Variants in MESD observed in about 807,000 individuals in gnomAD.
MESD encodes mesoderm development LRP chaperone, also known as LRP chaperone MESD.
Under a neutral mutation model 12.9 loss-of-function variants are expected in MESD, and 7 were observed. That is an observed-to-expected ratio of 0.54 (90% CI 0.31 to 1.02). MESD has a LOEUF of 1.02. Among genes scored for constraint, MESD ranks in the 50% least tolerant of loss-of-function variants. MESD has a pLI of 0.05. For missense variants in MESD, 342 were observed against 296.7 expected (o/e 1.15, Z -1.12); for synonymous variants, 126 against 115.6 (o/e 1.09, Z -0.58).
intron 4 of MESD, chr15:80,949,009 C>G: frequency 3.2e-6 from 5 of 1,558,974 alleles, no homozygotes; most frequent in Non-Finnish European, 2.6e-6. Flanking sequence ...CTGGGTCCCC[C>G]AGCCCCTGCC....
At chr15:80,962,651 G>A (rs1176989999) in intron 3 of MESD, among the ~76,000 whole-genome samples, 2 of 152,194 alleles carry the variant, frequency 1.3e-5, no homozygotes, top group Non-Finnish European at 2.9e-5. Flanking sequence ...AGACCACAGT[G>A]CAATCAAATT....
downstream of MESD, among the ~76,000 whole-genome samples, chr15:80,972,669 G>A (rs1317940581): frequency 6.6e-6 from 1 of 152,212 alleles, no homozygotes; most frequent in Non-Finnish European, 1.5e-5. Context: ...CACAGCAAGA[G>A]GACGGGAATA....
At chr15:80,970,995 A>G (rs1005997445), downstream of MESD, among the ~76,000 whole-genome samples, 3 of 152,198 alleles carry the variant, frequency 2.0e-5, no homozygotes, top group African/African-American at 7.2e-5. Context: ...ATCAAGGGTA[A>G]GAAGTTCTCA....
chr15:80,971,311 ATT>A (rs1467826447), downstream of MESD, among the ~76,000 whole-genome samples: 1 of 152,120 alleles, frequency 6.6e-6, no homozygotes, highest in Admixed American at 6.6e-5. Context: ...GTTAATTTCT[ATT>A]TTCAGTCAAG....
downstream of MESD, among the ~76,000 whole-genome samples, chr15:80,972,257 T>C (rs1447558397): frequency 6.6e-6 from 1 of 152,222 alleles, no homozygotes; most frequent in Non-Finnish European, 1.5e-5. Flanking sequence ...AAAACTTGAA[T>C]ATCAAAACTC....
rs1902503226 is a variant in MESD at position 80,979,193 on chromosome 15, C to T, written c.*26G>A. ...AAGAGCTCTCCACGTCCACCTGTCC[C>T]CCCACAGCGCGTCACTGCTGCCCCA... On this transcript the variant is annotated 3_prime_UTR_variant, in exon 3 of 3. Coordinates refer to ENST00000261758, the MANE Select transcript of MESD (RefSeq NM_015154.3). 6.2e-7 allele frequency: 1 copy of T among 1,602,366 alleles called. No homozygotes were observed. The highest frequency in any genetic ancestry group is 8.5e-7 in the Non-Finnish European group (1 of 1,173,860).
intron 3 of MESD, among the ~76,000 whole-genome samples, chr15:80,955,507 AAATGCCCAATC>A (rs2141784158): frequency 6.6e-6 from 1 of 150,650 alleles, no homozygotes; most frequent in Admixed American, 6.6e-5. Context: ...AAAAAAAAAG[AAATGCCCAATC>A]TCAGGCTCTC....
At chr15:80,971,389 C>A (rs71399434), downstream of MESD, among the ~76,000 whole-genome samples, 1 of 152,326 alleles carries the variant, frequency 6.6e-6, no homozygotes, top group East Asian at 1.9e-4. Context: ...TTGGGCTCCT[C>A]TGAGCCATCT....
At chr15:80,984,569 T>A (rs1321273368) in intron 1 of MESD, among the ~76,000 whole-genome samples, 1 of 152,200 alleles carries the variant, frequency 6.6e-6, no homozygotes, top group Non-Finnish European at 1.5e-5. Flanking sequence ...AGAAGGTAGA[T>A]AAGCGATTGC....
intron 1 of MESD, among the ~76,000 whole-genome samples, chr15:80,985,834 C>G (rs947331819): frequency 4.6e-5 from 7 of 151,618 alleles, no homozygotes; most frequent in Non-Finnish European, 8.8e-5. Context: ...TTTTGTATTT[C>G]TGGTAAAGAC....
chr15:80,956,035 CA>C (rs1433190389), intron 3 of MESD, among the ~76,000 whole-genome samples: 8 of 151,742 alleles, frequency 5.3e-5, no homozygotes. Flanking sequence ...ACAAAAAATA[CA>C]AAAATTACCC....
chr15:80,952,300 G>C (rs888987000), intron 3 of MESD: 3 of 450,730 alleles, frequency 6.7e-6, no homozygotes, highest in Non-Finnish European at 1.3e-5. Flanking sequence ...CAGGGGTCTG[G>C]AAGGGAGAGA....
Position 80,976,324 on chromosome 15 carries a change from G to C in MESD, c.*2895C>G, listed in dbSNP as rs1299427900. On this transcript the variant is annotated 3_prime_UTR_variant, in exon 3 of 3. Coordinates refer to ENST00000261758, the MANE Select transcript of MESD (RefSeq NM_015154.3). ...CTTTTGCTCATGAATCTGCAGACTG[G>C]GCAGACTGTTTCTCAGCTCAGCTTA... 6.6e-6 allele frequency: 1 copy of C among 152,350 alleles called. No individual in the cohort carries two copies. Among genetic ancestry groups the C allele is most frequent in the African/African-American group, 2.4e-5 (1 of 41,442 alleles). 9.4% of individuals were successfully genotyped at this position (152,350 alleles called of 1,614,324 possible). A position where few individuals can be genotyped will look rare whatever the true frequency, so the allele number is the denominator to read the frequency against.
intron 4 of MESD, chr15:80,949,131 G>A (rs1901703283): frequency 1.5e-6 from 1 of 665,728 alleles, no homozygotes; most frequent in East Asian, 2.8e-5. Flanking sequence ...AGCCCCTGGG[G>A]CGGTGCTGGC....
intron 3 of MESD, among the ~76,000 whole-genome samples, chr15:80,954,012 C>G (rs2141782340): frequency 6.6e-6 from 1 of 152,260 alleles, no homozygotes; most frequent in Non-Finnish European, 1.5e-5. Context: ...CAGATGAGCC[C>G]TAATCCTCAT....
At chr15:80,949,850 G>C (rs1901741136) in intron 4 of MESD, 1 of 152,328 alleles carries the variant, frequency 6.6e-6, no homozygotes, top group African/African-American at 2.4e-5. Flanking sequence ...CATTTTGCTG[G>C]GGGGAGATGA....
rs1902431878 is a variant in MESD at position 80,976,909 on chromosome 15, G to A, written c.*2310C>T. On this transcript the variant is annotated 3_prime_UTR_variant, in exon 3 of 3. Transcript: ENST00000261758. ...ACCTTCAGCTATGGCCTGCACTACTGAAGCACCTCCCAGCTCACGGCTCAC... is the reference window on the plus strand; with the variant it reads ...ACCTTCAGCTATGGCCTGCACTACTAAAGCACCTCCCAGCTCACGGCTCAC... 6.6e-6 allele frequency: 1 copy of A among 152,302 alleles called. No homozygotes were observed. The highest frequency in any genetic ancestry group is 1.5e-5 in the Non-Finnish European group (1 of 68,138). 9.4% of individuals were successfully genotyped at this position (152,302 alleles called of 1,614,324 possible). A position where few individuals can be genotyped will look rare whatever the true frequency, so the allele number is the denominator to read the frequency against.
At chr15:80,952,017 A>G (rs771197084) in exon 4 of MESD, 2 of 353,278 alleles carry the variant, frequency 5.7e-6, no homozygotes, top group Non-Finnish European at 1.1e-5. Flanking sequence ...TCAAAGAAAG[A>G]GAAGATATCA....
chr15:80,988,257 C>T (rs1175414339), intron 1 of MESD, among the ~76,000 whole-genome samples: 1 of 152,204 alleles, frequency 6.6e-6, no homozygotes, highest in African/African-American at 2.4e-5. Context: ...GGGATAAGTA[C>T]CTCCCTCATG....
Sources: allele counts gnomAD v4.1 joint callset (sites outside exome capture counted in the v4.1 genomes callset), GRCh38; gene constraint gnomAD v4.1.1; transcripts MANE v1.5; gene names NCBI Gene and HGNC (gene_info 2026-07-23, HGNC 2026-07-21).